Variants in DNAH5 observed in about 807,000 individuals in gnomAD.
DNAH5 encodes dynein axonemal heavy chain 5, also known as axonemal beta dynein heavy chain 5.
A neutral mutation model predicts 518.2 loss-of-function variants in DNAH5; 372 were observed. That is an observed-to-expected ratio of 0.72 (90% CI 0.66 to 0.78). DNAH5 has a LOEUF of 0.78. Ranked by LOEUF, DNAH5 falls within the 30% of genes least tolerant of loss-of-function variation. DNAH5 has a pLI of 0.00. For missense variants in DNAH5, 5,523 were observed against 5,687.0 expected (o/e 0.97, Z 0.93); for synonymous variants, 2,039 against 2,025.9 (o/e 1.01, Z -0.17).
intron 15 of DNAH5, chr5:13,898,495 A>G (rs915508066): frequency 2.8e-5 from 11 of 398,456 alleles, no homozygotes; most frequent in African/African-American, 4.1e-5. Context: ...TCCATTGCCA[A>G]TACAACTTTT....
At chr5:13,720,873 G>T in intron 71 of DNAH5, 127 bp downstream of exon 71, 4 of 1,188,270 alleles carry the variant, frequency 3.4e-6, no homozygotes, top group South Asian at 1.4e-5. Context: ...AAAAAAAAAC[G>T]CTGTTTAGTA....
At chr5:13,797,646 T>C (rs1182569051) in intron 47 of DNAH5, among the ~76,000 whole-genome samples, 1 of 152,120 alleles carries the variant, frequency 6.6e-6, no homozygotes, top group African/African-American at 2.4e-5. Flanking sequence ...GACAGTGTGG[T>C]GATTCCTCAA....
upstream of DNAH5, among the ~76,000 whole-genome samples, chr5:13,949,623 T>C (rs1357838589): frequency 6.6e-6 from 1 of 152,156 alleles, no homozygotes; most frequent in African/African-American, 2.4e-5. Flanking sequence ...GCATTTAGAG[T>C]AAACACTAAG....
intron 78 of DNAH5, among the ~76,000 whole-genome samples, chr5:13,695,217 T>C (rs566766369): frequency 6.6e-6 from 1 of 152,314 alleles, no homozygotes; most frequent in Non-Finnish European, 1.5e-5. Flanking sequence ...ACTAGGATGA[T>C]AAAAGCCAGG....
At chr5:13,983,501 T>C (rs1258359645) in intron 1 of DNAH5, among the ~76,000 whole-genome samples, 1 of 152,158 alleles carries the variant, frequency 6.6e-6, no homozygotes, top group African/African-American at 2.4e-5. Flanking sequence ...ACAAACACAT[T>C]CCATCAGCAT....
In DNAH5 at chr5:13,761,467, C is replaced by T. The variant is rs181473365; in HGVS notation, c.10281+1255G>A. 3.8e-3 allele frequency among the ~76,000 whole-genome samples: 578 copies of T among 152,098 alleles called. 15 individuals carry two copies. The highest frequency in any genetic ancestry group is 0.033 in the Admixed American group (499 of 15,272). ...AATTAGCCAGGCATGGTGGTGGGCG[C>T]CTGTAGTCCCAGCTACTCGGGAGGC... On this transcript the variant is annotated intron_variant, in intron 60 of 78. Coordinates refer to ENST00000265104, the MANE Select transcript of DNAH5 (RefSeq NM_001369.3).
At chr5:13,770,652 A>G (rs1753207498) in intron 56 of DNAH5, 97 bp downstream of exon 56, 1 of 1,109,170 alleles carries the variant, frequency 9.0e-7, no homozygotes, top group African/African-American at 1.6e-5. Context: ...GATACACAAA[A>G]TGTCTCCGGT....
At chr5:14,000,532 CCTT>C (rs1000534677) in intron 1 of DNAH5, among the ~76,000 whole-genome samples, 3 of 151,918 alleles carry the variant, frequency 2.0e-5, no homozygotes, top group African/African-American at 7.3e-5. Flanking sequence ...TGCTTGTATG[CCTT>C]CTTTTGAGAA....
chr5:13,904,303 G>C (rs1775019091), intron 12 of DNAH5, among the ~76,000 whole-genome samples: 1 of 150,028 alleles, frequency 6.7e-6, no homozygotes, highest in Non-Finnish European at 1.5e-5. Flanking sequence ...TTAAAGGAAA[G>C]AGAGTCTCAG....
intron 24 of DNAH5, among the ~76,000 whole-genome samples, chr5:13,869,755 TTG>T (rs1426803869): frequency 6.6e-6 from 1 of 152,162 alleles, no homozygotes; most frequent in African/African-American, 2.4e-5. Flanking sequence ...TACAATCGTT[TTG>T]TGTTTTCTAA....
intron 47 of DNAH5, among the ~76,000 whole-genome samples, chr5:13,801,193 ACGGTTT>A (rs1384863741): frequency 2.0e-5 from 3 of 151,988 alleles, no homozygotes; most frequent in Non-Finnish European, 4.4e-5. Flanking sequence ...GTGGTTTCTA[ACGGTTT>A]AGCACTATCC....
At chr5:13,805,533 C>T (rs1413123040) in intron 47 of DNAH5, among the ~76,000 whole-genome samples, 3 of 151,612 alleles carry the variant, frequency 2.0e-5, no homozygotes, top group Non-Finnish European at 2.9e-5. Flanking sequence ...GTCCTATGGC[C>T]AATGATGTAA....
chr5:13,885,885 T>C lies in DNAH5; in HGVS notation c.2743+79A>G, dbSNP rs1772353548. ...GATGTTTATAGAAGTATGAAATTAA[T>C]TGGTATGTAGAAAATGCAGTTTTAG... On this transcript the variant is annotated intron_variant, in intron 18 of 78. Coordinates refer to ENST00000265104, the MANE Select transcript of DNAH5 (RefSeq NM_001369.3). The C allele has an allele frequency of 2.4e-6, 3 of 1,266,460 alleles. No individual in the cohort carries two copies. In the South Asian group the frequency reaches 3.8e-5, roughly 16 times the overall value. The allele number at this position is 1,266,460 out of a possible 1,614,324, so 78.5% of individuals were successfully genotyped here.
intron 31 of DNAH5, among the ~76,000 whole-genome samples, chr5:13,850,382 T>G (rs1766662381): frequency 6.6e-6 from 1 of 152,336 alleles, no homozygotes; most frequent in East Asian, 1.9e-4. Context: ...GTGTATTAAT[T>G]TTTTAAAGCA....
At position 13,770,132 on chromosome 5, in the gene DNAH5, C is replaced by T. The variant is rs535027077; in HGVS notation, c.9606-517G>A. 7.9e-5 allele frequency among the ~76,000 whole-genome samples: 12 copies of T among 152,228 alleles called. No individual in the cohort carries two copies. The East Asian group carries it at 1.9e-3, about 25-fold the overall frequency. Reference sequence around the variant, plus strand: ...GAGATGGGAACCCTCCGAGTCATTTCGTGTAACTGCCCACCCAGGGATTCC... The same window carrying T: ...GAGATGGGAACCCTCCGAGTCATTTTGTGTAACTGCCCACCCAGGGATTCC... On this transcript the variant is annotated intron_variant, in intron 56 of 78. Coordinates refer to ENST00000265104, the MANE Select transcript of DNAH5 (RefSeq NM_001369.3).
In DNAH5 at chr5:13,859,603, T is replaced by C. The variant is rs761057602; in HGVS notation, c.4799A>G (p.Tyr1600Cys). ...AATCTGGGCTTTGAATGGCATATTG[T>C]ACCTAAAATAAGAAATAGGTTTAGG... ...MLLGSLLSNR[Y>C]NMPFKAQIQK... Residue 1600 changes from tyrosine to cysteine, a missense_variant and splice_region_variant, in exon 30 of 79, where the codon TAC (tyrosine) becomes TGC (cysteine). This residue lies in a region of DNAH5 where 5,121 missense variants were observed against 5,223.3 expected (regional missense o/e 0.98). Transcript: ENST00000265104. The C allele has an allele frequency of 2.5e-6, 4 of 1,613,780 alleles. No individual in the cohort carries two copies. Among genetic ancestry groups the C allele is most frequent in the Admixed American group, 3.3e-5 (2 of 59,996 alleles).
At chr5:13,841,170 T>C (rs749358437) in intron 33 of DNAH5, 40 bp from the exon 34 acceptor site, 7 of 1,441,262 alleles carry the variant, frequency 4.9e-6, no homozygotes, top group Non-Finnish European at 6.8e-6. Context: ...TTGTATGGCA[T>C]ATTTATGTAT....
At chr5:13,818,581 T>G (rs1295325681) in intron 41 of DNAH5, among the ~76,000 whole-genome samples, 1 of 152,236 alleles carries the variant, frequency 6.6e-6, no homozygotes, top group Non-Finnish European at 1.5e-5. Flanking sequence ...CCCTCAAGCC[T>G]CGGATGAAGT....
chr5:13,817,826 T>G, intron 41 of DNAH5, 132 bp from the exon 42 acceptor site: 1 of 764,520 alleles, frequency 1.3e-6, no homozygotes, highest in South Asian at 1.8e-5. Context: ...ACATTGAAAA[T>G]ATGTCTTACT....
Sources: allele counts gnomAD v4.1 joint callset (sites outside exome capture counted in the v4.1 genomes callset), GRCh38; gene constraint gnomAD v4.1.1; regional missense constraint gnomAD v4.1.1; transcripts MANE v1.5; gene names NCBI Gene and HGNC (gene_info 2026-07-23, HGNC 2026-07-21).